FARP1: variants seen among roughly 807,000 people sequenced by gnomAD.
FARP1 encodes FERM, ARHGEF and pleckstrin domain-containing protein 1.
A neutral mutation model predicts 128.8 loss-of-function variants in FARP1; 52 were observed. That is an observed-to-expected ratio of 0.40 (90% confidence interval 0.32 to 0.51). FARP1 has a LOEUF of 0.51. Ranked by LOEUF, FARP1 falls within the 20% of genes least tolerant of loss-of-function variation. The probability of loss-of-function intolerance (pLI) is 0.45; values close to 1 mark genes in which losing one functional copy is unlikely to be tolerated. For missense variants in FARP1, 1,333 were observed against 1,367.9 expected, an observed-to-expected ratio of 0.97 and a Z score of 0.40; for synonymous variants, 580 against 551.8, an observed-to-expected ratio of 1.05 and a Z score of -0.72.
At chr13:98,158,537 T>G (rs1594210883) in intron 1 of FARP1, among the ~76,000 whole-genome samples, 1 of 152,188 alleles carries the variant, frequency 6.6e-6, no homozygotes, top group African/African-American at 2.4e-5. Context: ...AGATCAAGGT[T>G]GTCCAGGTCA....
At chr13:98,397,899 T>G (rs1370517324) in intron 13 of FARP1, 3 of 28,662 alleles carry the variant, frequency 1.0e-4, no homozygotes, top group African/African-American at 2.7e-4. Context: ...CTTTTTTTTT[T>G]GAAAAAAAAA....
chr13:98,265,311 A>ATTTTTTTTTTTTT (rs60809416), intron 2 of FARP1, among the ~76,000 whole-genome samples: 2 of 60,252 alleles, frequency 3.3e-5, no homozygotes, highest in African/African-American at 7.8e-5. Flanking sequence ...TCCTTCCTGA[A>ATTTTTTTTTTTTT]TTTTTTTTTT....
intron 2 of FARP1, among the ~76,000 whole-genome samples, chr13:98,313,340 C>T (rs978335365): frequency 8.1e-6 from 1 of 123,434 alleles, no homozygotes; most frequent in African/African-American, 2.8e-5. Context: ...ACACACACAC[C>T]TGCACAAACG....
intron 4 of FARP1, among the ~76,000 whole-genome samples, chr13:98,366,571 G>A (rs1026499373): frequency 2.0e-5 from 3 of 152,238 alleles, no homozygotes; most frequent in Admixed American, 6.5e-5. Flanking sequence ...TGAAGACAGA[G>A]TTGACTCTGG....
intron 2 of FARP1, among the ~76,000 whole-genome samples, chr13:98,305,736 A>G (rs1594379743): frequency 6.6e-6 from 1 of 152,100 alleles, no homozygotes; most frequent in East Asian, 1.9e-4. Flanking sequence ...ACCTTCACTA[A>G]GCTTCTCTGG....
At chr13:98,243,986 C>T (rs886527536) in intron 2 of FARP1, among the ~76,000 whole-genome samples, 6 of 152,072 alleles carry the variant, frequency 3.9e-5, no homozygotes, top group African/African-American at 1.4e-4. Context: ...GTTTTCTCCC[C>T]TGAGCATCTT....
Position 98,377,867 on chromosome 13 carries a change from T to C in FARP1, c.445T>C (p.Leu149=), listed in dbSNP as rs1211936164. 6 of 1,613,928 alleles carry C rather than the reference T, an allele frequency of 3.7e-6. No individual in the cohort carries two copies. The highest frequency in any genetic ancestry group is 4.2e-6 in the Non-Finnish European group (5 of 1,179,930). Residue 149 remains leucine (L), a synonymous_variant, in exon 6 of 27, where the codon TTG becomes CTG. Transcript: ENST00000319562. ...GAAGCAGGACTTGGCTCAAGGCAGGTTGACGTGTAATGACACCAGCGCAGC... is the reference window on the plus strand; with the variant it reads ...GAAGCAGGACTTGGCTCAAGGCAGGCTGACGTGTAATGACACCAGCGCAGC... ...QVKQDLAQGR[L]TCNDTSAALL...
chr13:98,402,810 C>A (rs566288143), intron 13 of FARP1: 8 of 120,854 alleles, frequency 6.6e-5, no homozygotes, highest in African/African-American at 2.1e-4. Context: ...CCCTTCTGTT[C>A]TCTCTGTGTG....
At chr13:98,167,901 G>A (rs373051159) in intron 1 of FARP1, among the ~76,000 whole-genome samples, 4 of 150,224 alleles carry the variant, frequency 2.7e-5, no homozygotes, top group Non-Finnish European at 5.9e-5. Flanking sequence ...GGCCGGGTGC[G>A]GTGGCTCACG....
Position 98,409,392 on chromosome 13 carries a change from G to T in FARP1, c.1469G>T (p.Gly490Val), listed in dbSNP as rs200968276. Residue 490 changes from glycine (G) to valine (V), a missense_variant, in exon 14 of 27, where the codon GGA becomes GTA. By Grantham distance (109) the Gly-to-Val change is moderately radical (BLOSUM62 -3). Coordinates refer to ENST00000319562, the MANE Select transcript of FARP1 (RefSeq NM_005766.4). ...LSELSVNSQG[G>V]VAPANVTLSP... Reference sequence around the variant, plus strand: ...GAGCTGTCTGTGAACTCGCAGGGGGGAGTGGCCCCTGCCAACGTGACCTTG... The same window carrying T: ...GAGCTGTCTGTGAACTCGCAGGGGGTAGTGGCCCCTGCCAACGTGACCTTG... The T allele has an allele frequency of 5.1e-4, 829 of 1,613,768 alleles. 3 individuals are homozygous for T. The highest frequency in any genetic ancestry group is 1.2e-3 in the South Asian group (105 of 91,056).
chr13:98,202,300 T>G (rs1303537562), intron 1 of FARP1, among the ~76,000 whole-genome samples: 2 of 152,164 alleles, frequency 1.3e-5, no homozygotes, highest in Non-Finnish European at 2.9e-5. Flanking sequence ...CCTTTGCTCT[T>G]TGCTCTCCTG....
chr13:98,260,538 A>C (rs1883826594), intron 2 of FARP1, among the ~76,000 whole-genome samples: 2 of 152,222 alleles, frequency 1.3e-5, no homozygotes, highest in African/African-American at 4.8e-5. Context: ...AACTCAATCC[A>C]GCTCAACTCT....
chr13:98,399,051 A>G (rs1448373095), intron 13 of FARP1: 4 of 152,180 alleles, frequency 2.6e-5, no homozygotes, highest in Non-Finnish European at 4.4e-5. Context: ...TCACTTTAAG[A>G]GTTGCTCATA....
chr13:98,422,950 G>A (rs1405293291), intron 16 of FARP1, among the ~76,000 whole-genome samples: 2 of 152,154 alleles, frequency 1.3e-5, no homozygotes, highest in Non-Finnish European at 1.5e-5. Context: ...TGACTCACAC[G>A]TTCACAAGGT....
intron 2 of FARP1, among the ~76,000 whole-genome samples, chr13:98,266,984 A>T (rs906075568): frequency 7.4e-6 from 1 of 134,602 alleles, no homozygotes; most frequent in Non-Finnish European, 1.5e-5. Flanking sequence ...ACTGTACTCC[A>T]GCCTGGGTGA....
intron 2 of FARP1, among the ~76,000 whole-genome samples, chr13:98,336,748 T>C (rs530702100): frequency 1.3e-5 from 2 of 152,278 alleles, no homozygotes; most frequent in South Asian, 2.1e-4. Flanking sequence ...GAAAAGCCAA[T>C]TGAGGATGGA....
chr13:98,230,919 G>A (rs1454629542), intron 2 of FARP1, among the ~76,000 whole-genome samples: 1 of 152,200 alleles, frequency 6.6e-6, no homozygotes, highest in Non-Finnish European at 1.5e-5. Context: ...CACACTCATG[G>A]CAGAAGGTGA....
intron 1 of FARP1, among the ~76,000 whole-genome samples, chr13:98,185,271 C>T (rs891023683): frequency 6.6e-6 from 1 of 152,072 alleles, no homozygotes; most frequent in African/African-American, 2.4e-5. Flanking sequence ...CAGCAGGTCC[C>T]CATGAGTTGA....
chr13:98,414,853 G>A (rs1025211001), intron 16 of FARP1, among the ~76,000 whole-genome samples: 1 of 152,230 alleles, frequency 6.6e-6, no homozygotes, highest in African/African-American at 2.4e-5. Flanking sequence ...GACTGGATGA[G>A]AAGAGACTTT....
Sources: gnomAD v4.1 joint callset for allele counts (sites outside exome capture counted in the v4.1 genomes callset) on GRCh38, gnomAD v4.1.1 for gene constraint, MANE v1.5 for transcripts, NCBI Gene and HGNC (gene_info 2026-07-23, HGNC 2026-07-21) for gene names.